Variants in SLC45A4 observed in about 807,000 individuals in gnomAD.
The protein encoded by SLC45A4 is polyamine-transporter SLC45A4.
Under a neutral mutation model 63.7 loss-of-function variants are expected in SLC45A4, and 32 were observed. That is an observed-to-expected ratio of 0.50 (90% CI 0.38 to 0.67). The LOEUF is 0.67. SLC45A4 is among the 30% of genes least tolerant of loss of function. The pLI is 0.00. For missense variants in SLC45A4, 1,027 were observed against 1,157.7 expected, an observed-to-expected ratio of 0.89 and a Z score of 1.64; for synonymous variants, 535 against 510.0, an observed-to-expected ratio of 1.05 and a Z score of -0.66.
rs147462226 is a variant in SLC45A4, at chr8:141,282,751, G to A, written c.-401+25345C>T. 3.4e-3 allele frequency among the ~76,000 whole-genome samples: 511 copies of A among 152,358 alleles called. 2 individuals are homozygous for A. The highest frequency in any genetic ancestry group is 0.012 in the African/African-American group (481 of 41,584). On this transcript the variant is annotated intron_variant, in intron 1 of 8. Transcript: ENST00000517878. ...TGCCTTCGCGATTTGGGACGATGTC[G>A]CAAGAGTCTGCCGTGCGCCTCCAGT...
At chr8:141,239,508 G>A (rs776168804) in intron 2 of SLC45A4, among the ~76,000 whole-genome samples, 1 of 152,090 alleles carries the variant, frequency 6.6e-6, no homozygotes, top group Non-Finnish European at 1.5e-5. Context: ...CAGAAGGAAA[G>A]TAACCAACTG....
chr8:141,295,134 C>A (rs766051361), intron 1 of SLC45A4, among the ~76,000 whole-genome samples: 1 of 152,196 alleles, frequency 6.6e-6, no homozygotes, highest in African/African-American at 2.4e-5. Context: ...GAGGAAGCAG[C>A]GCTGTGTGGT....
chr8:141,273,175 C>G (rs1461794911), intron 1 of SLC45A4, among the ~76,000 whole-genome samples: 2 of 152,234 alleles, frequency 1.3e-5, no homozygotes, highest in Non-Finnish European at 2.9e-5. Flanking sequence ...AAGTTTTGCT[C>G]ATCTCCCTTC....
chr8:141,252,358 C>T (rs1026009405), intron 2 of SLC45A4: 9 of 163,822 alleles, frequency 5.5e-5, no homozygotes, highest in Admixed American at 6.5e-5. Context: ...CCAACCTGTG[C>T]GTCTCTGTTA....
At chr8:141,295,886 C>G (rs766355161) in intron 1 of SLC45A4, among the ~76,000 whole-genome samples, 16 of 152,218 alleles carry the variant, frequency 1.1e-4, no homozygotes, top group Non-Finnish European at 2.2e-4. Flanking sequence ...CAGAGGCTCC[C>G]TGGCTTTGGT....
At chr8:141,286,222 G>C (rs545483516) in intron 1 of SLC45A4, among the ~76,000 whole-genome samples, 1 of 152,318 alleles carries the variant, frequency 6.6e-6, no homozygotes, top group Admixed American at 6.5e-5. Flanking sequence ...TCGGGAAGGT[G>C]AGGTATGGGC....
intron 1 of SLC45A4, among the ~76,000 whole-genome samples, chr8:141,267,569 C>T (rs1829325452): frequency 6.6e-6 from 1 of 152,178 alleles, no homozygotes; most frequent in African/African-American, 2.4e-5. Flanking sequence ...GATTTTGAGG[C>T]TTAAAGAGTA....
intron 2 of SLC45A4, among the ~76,000 whole-genome samples, chr8:141,236,318 G>A (rs1354849191): frequency 1.3e-5 from 2 of 152,126 alleles, no homozygotes; most frequent in African/African-American, 4.8e-5. Context: ...CTTCAAACTG[G>A]AACTCAAACT....
At chr8:141,283,073 A>T (rs925543337) in intron 1 of SLC45A4, among the ~76,000 whole-genome samples, 13 of 151,950 alleles carry the variant, frequency 8.6e-5, no homozygotes, top group Non-Finnish European at 1.8e-4. Context: ...CTGATAAACC[A>T]CCCCTACTGC....
Position 141,220,851 on chromosome 8 carries a change from G to T in SLC45A4, c.430+726C>A, listed in dbSNP as rs555068215. 1.4e-3 allele frequency among the ~76,000 whole-genome samples: 209 copies of T among 152,374 alleles called. 1 individual carries two copies. The highest frequency in any genetic ancestry group is 4.9e-3 in the African/African-American group (204 of 41,590). On this transcript the variant is annotated intron_variant, in intron 3 of 8. Transcript: ENST00000517878. ...AGGGAGGGGAGGGCTGCTCTCGAGG[G>T]ACACGGACAGGCAGGGGGCCGGCAG...
chr8:141,241,590 G>C (rs531962572), intron 2 of SLC45A4, among the ~76,000 whole-genome samples: 16 of 152,236 alleles, frequency 1.1e-4, no homozygotes, highest in Admixed American at 5.9e-4. Flanking sequence ...AAGAAAAACA[G>C]CTTCCCTTTT....
At chr8:141,251,615 C>T (rs1234508935) in intron 2 of SLC45A4, among the ~76,000 whole-genome samples, 3 of 151,976 alleles carry the variant, frequency 2.0e-5, no homozygotes, top group Admixed American at 6.6e-5. Flanking sequence ...TCCGAGCCCC[C>T]GACCCTCCAG....
chr8:141,266,091 A>G (rs567730932), intron 1 of SLC45A4, among the ~76,000 whole-genome samples: 1 of 152,242 alleles, frequency 6.6e-6, no homozygotes, highest in Admixed American at 6.5e-5. Context: ...CTTGGGTGAA[A>G]CTTTCAGATC....
rs1569558207 is a variant in SLC45A4 at position 141,227,601 on chromosome 8, C to CG, written c.242-5837dup. On this transcript the variant is annotated intron_variant, in intron 2 of 8. Coordinates refer to ENST00000517878, the MANE Select transcript of SLC45A4 (RefSeq NM_001286646.2). This position sits in a 1 kb window ranked among gnomAD's most constrained non-coding sequence, Gnocchi z 4.4. Reference sequence around the variant, plus strand: ...GCCCCAGACAGGAAAGACACTGGGCCGGGGGAGCCGGGCCCCCAGGGCTCG... The same window carrying CG: ...GCCCCAGACAGGAAAGACACTGGGCCGGGGGGAGCCGGGCCCCCAGGGCTCG... Among the ~76,000 whole-genome samples the CG allele has an allele frequency of 1.3e-5, 2 of 152,192 alleles. No individual in the cohort carries two copies. Among genetic ancestry groups the CG allele is most frequent in the South Asian group, 2.1e-4 (1 of 4,818 alleles).
intron 1 of SLC45A4, among the ~76,000 whole-genome samples, chr8:141,287,414 A>G (rs1445543626): frequency 2.6e-5 from 4 of 152,168 alleles, no homozygotes; most frequent in Non-Finnish European, 5.9e-5. Context: ...ACCCACACGC[A>G]GGGCACGGAG....
At chr8:141,228,250 G>A (rs1455304039) in intron 2 of SLC45A4, 3 of 1,613,928 alleles carry the variant, frequency 1.9e-6, no homozygotes, top group Admixed American at 3.3e-5. Context: ...CCCTGAGGCT[G>A]GGCTTGCTTT....
chr8:141,240,638 T>C (rs912910165), intron 2 of SLC45A4, among the ~76,000 whole-genome samples: 1 of 151,864 alleles, frequency 6.6e-6, no homozygotes, highest in African/African-American at 2.4e-5. Context: ...CTTGGGGAGG[T>C]TGAGGTGAAA....
At chr8:141,267,496 C>T (rs1355838844) in intron 1 of SLC45A4, among the ~76,000 whole-genome samples, 1 of 152,218 alleles carries the variant, frequency 6.6e-6, no homozygotes, top group Non-Finnish European at 1.5e-5. Flanking sequence ...TGAGGCAAGG[C>T]AAGGCTTTAC....
At chr8:141,245,758 G>A (rs1270394345) in intron 2 of SLC45A4, among the ~76,000 whole-genome samples, 1 of 152,156 alleles carries the variant, frequency 6.6e-6, no homozygotes, top group East Asian at 1.9e-4. Flanking sequence ...GGCCTCCCAG[G>A]GGCAGCAGCA....
Sources: allele counts gnomAD v4.1 joint callset (sites outside exome capture counted in the v4.1 genomes callset), GRCh38; gene constraint gnomAD v4.1.1; non-coding constraint Gnocchi (gnomAD v3.1); transcripts MANE v1.5; gene names NCBI Gene and HGNC (gene_info 2026-07-23, HGNC 2026-07-21).